ECHDC1: variants seen among roughly 807,000 people sequenced by gnomAD.
ECHDC1 encodes the protein ethylmalonyl-CoA decarboxylase 1, also known as ethylmalonyl-CoA decarboxylase.
A neutral mutation model predicts 29.7 loss-of-function variants in ECHDC1; 29 were observed. The ratio of observed to expected loss-of-function variants is 0.98; its 90% CI spans 0.73 to 1.33. The LOEUF is 1.33. Ranked by LOEUF, ECHDC1 falls within the 40% of genes most tolerant of loss-of-function variation. The pLI is 0.00. For synonymous variants in ECHDC1, 126 were observed against 123.1 expected (o/e 1.02, Z -0.15); for missense variants, 328 against 350.0 (o/e 0.94, Z 0.50).
intron 1 of ECHDC1, among the ~76,000 whole-genome samples, chr6:127,335,241 G>A (rs1417324168): frequency 6.6e-6 from 1 of 152,066 alleles, no homozygotes; most frequent in Admixed American, 6.6e-5. Context: ...TGAACACACA[G>A]TGGGATGTAA....
At chr6:127,292,321 A>G (rs188733861) in intron 5 of ECHDC1, among the ~76,000 whole-genome samples, 4 of 152,202 alleles carry the variant, frequency 2.6e-5, no homozygotes, top group African/African-American at 9.6e-5. Context: ...ATTTGCTTCT[A>G]AAGAAAAATC....
At chr6:127,325,261 G>A (rs1783217864) in intron 3 of ECHDC1, among the ~76,000 whole-genome samples, 1 of 152,050 alleles carries the variant, frequency 6.6e-6, no homozygotes, top group African/African-American at 2.4e-5. Context: ...AAACTGCCAA[G>A]GTCATGAAAA....
chr6:127,336,671 G>A (rs968716137), intron 1 of ECHDC1, among the ~76,000 whole-genome samples: 5 of 152,102 alleles, frequency 3.3e-5, no homozygotes, highest in Admixed American at 6.6e-5. Flanking sequence ...ACACAGAACT[G>A]TATTTTTAAA....
At chr6:127,301,308 T>C (rs1467806870) in intron 5 of ECHDC1, among the ~76,000 whole-genome samples, 1 of 152,226 alleles carries the variant, frequency 6.6e-6, no homozygotes, top group East Asian at 1.9e-4. Context: ...TGAGTTCATT[T>C]CTTTTATATA....
intron 3 of ECHDC1, among the ~76,000 whole-genome samples, chr6:127,322,943 T>G (rs2114649759): frequency 6.6e-6 from 1 of 152,214 alleles, no homozygotes. Context: ...ATATATAGGT[T>G]GAGCTATGAA....
intron 2 of ECHDC1, among the ~76,000 whole-genome samples, chr6:127,327,501 C>T (rs4141423): frequency 0.13 from 19,843 of 151,944 alleles, 2,551 homozygotes; most frequent in East Asian, 0.56. Context: ...AAGACATAGA[C>T]CTGACTTCTC....
chr6:127,303,846 A>G (rs149644336), intron 5 of ECHDC1, among the ~76,000 whole-genome samples: 24 of 152,338 alleles, frequency 1.6e-4, no homozygotes, highest in African/African-American at 5.3e-4. Context: ...GGAAAGGTCT[A>G]TGTCTTGTGG....
At chr6:127,325,909 T>C (rs1244318972) in intron 3 of ECHDC1, among the ~76,000 whole-genome samples, 3 of 152,010 alleles carry the variant, frequency 2.0e-5, no homozygotes, top group Non-Finnish European at 2.9e-5. Flanking sequence ...GGCTATGTTG[T>C]CCAGGCTAGT....
At chr6:127,334,058 T>A (rs1784210420) in intron 1 of ECHDC1, among the ~76,000 whole-genome samples, 1 of 152,214 alleles carries the variant, frequency 6.6e-6, no homozygotes. Context: ...AGAGATCTTT[T>A]ATTCTTCTGC....
intron 5 of ECHDC1, among the ~76,000 whole-genome samples, chr6:127,299,159 A>G (rs1780858210): frequency 6.6e-6 from 1 of 152,110 alleles, no homozygotes; most frequent in Non-Finnish European, 1.5e-5. Flanking sequence ...AAGCCACCAC[A>G]GCTGACCTAT....
rs9491727 is a variant in ECHDC1, at chr6:127,303,033, C to T, written c.497+11783G>A. Among the ~76,000 whole-genome samples the T allele has an allele frequency of 2.1e-3, 324 of 152,096 alleles. 2 individuals carry two copies. Among genetic ancestry groups the T allele is most frequent in the African/African-American group, 7.1e-3 (295 of 41,500 alleles). On this transcript the variant is annotated intron_variant, in intron 5 of 5. Transcript: ENST00000454859. The stretch of plus-strand genomic sequence containing the variant: ...TTCAAGAGGCTAGGATTTCTGTAAA[C>T]GGTCTTATATACCAAAAAAACTAGA...
intron 3 of ECHDC1, among the ~76,000 whole-genome samples, chr6:127,321,208 G>A (rs1268976382): frequency 6.6e-6 from 1 of 152,132 alleles, no homozygotes; most frequent in South Asian, 2.1e-4. Context: ...AGCAAATTCA[G>A]CAAGTAAGTA....
intron 5 of ECHDC1, among the ~76,000 whole-genome samples, chr6:127,295,113 T>A (rs142473654): frequency 1.3e-3 from 197 of 152,102 alleles, no homozygotes; most frequent in African/African-American, 4.4e-3. Context: ...CAAGCCCAGC[T>A]AATTTTTGTA....
rs781484578 is a variant in ECHDC1 at position 127,316,440 on chromosome 6, G to T, written c.416+10C>A. ...TTAGAAATCATATTTTAAAAAGAAGGCTGCATTACCTCATAAATCTTGTTA... is the reference window on the plus strand; with the variant it reads ...TTAGAAATCATATTTTAAAAAGAAGTCTGCATTACCTCATAAATCTTGTTA... On this transcript the variant is annotated intron_variant, in intron 4 of 5. Transcript: ENST00000454859. The T allele has an allele frequency of 5.0e-6, 8 of 1,594,392 alleles. No individual in the cohort carries two copies. Among genetic ancestry groups the T allele is most frequent in the African/African-American group, 1.4e-5 (1 of 73,922 alleles).
At chr6:127,300,465 C>T (rs1463433312) in intron 5 of ECHDC1, among the ~76,000 whole-genome samples, 1 of 152,152 alleles carries the variant, frequency 6.6e-6, no homozygotes, top group East Asian at 1.9e-4. Flanking sequence ...CCAATCTAAT[C>T]ATGAGAACAC....
chr6:127,315,870 A>G (rs888572207), intron 4 of ECHDC1: 1 of 443,046 alleles, frequency 2.3e-6, no homozygotes, highest in Non-Finnish European at 4.7e-6. Flanking sequence ...ATTTGTCTAC[A>G]TTCGGAATGT....
intron 5 of ECHDC1, among the ~76,000 whole-genome samples, chr6:127,312,661 G>A (rs1264744865): frequency 2.0e-5 from 3 of 151,936 alleles, no homozygotes; most frequent in African/African-American, 4.8e-5. Context: ...ATTTATAATA[G>A]GCCAAAACAA....
chr6:127,306,860 G>A (rs555859029), intron 5 of ECHDC1, among the ~76,000 whole-genome samples: 1 of 152,174 alleles, frequency 6.6e-6, no homozygotes, highest in East Asian at 1.9e-4. Context: ...TTTCCTCCAA[G>A]AGCTGGAGAA....
At position 127,316,435 on chromosome 6, in the gene ECHDC1, A is replaced by G. The variant is rs1057020720; in HGVS notation, c.416+15T>C. On this transcript the variant is annotated intron_variant, in intron 4 of 5. Coordinates refer to ENST00000454859, the MANE Select transcript of ECHDC1 (RefSeq NM_001002030.2). ...GTCTTTTAGAAATCATATTTTAAAA[A>G]GAAGGCTGCATTACCTCATAAATCT... is the stretch of plus-strand genomic sequence containing the variant. 3.1e-6 allele frequency: 5 copies of G among 1,593,500 alleles called. No homozygotes were observed. Among genetic ancestry groups the G allele is most frequent in the Non-Finnish European group, 4.3e-6 (5 of 1,171,334 alleles).
Sources: allele counts gnomAD v4.1 joint callset (sites outside exome capture counted in the v4.1 genomes callset), GRCh38; gene constraint gnomAD v4.1.1; transcripts MANE v1.5; gene names NCBI Gene and HGNC (gene_info 2026-07-23, HGNC 2026-07-21).